Variants in NFASC observed in about 807,000 individuals in gnomAD.
NFASC encodes neurofascin homolog.
A neutral mutation model predicts 147.5 loss-of-function variants in NFASC; 43 were observed. The ratio of observed to expected loss-of-function variants is 0.29; its 90% CI spans 0.23 to 0.38. The LOEUF is 0.38. Among genes scored for constraint, NFASC ranks in the 10% least tolerant of loss-of-function variants. The pLI is 1.00. For synonymous variants in NFASC, 622 were observed against 665.5 expected, an observed-to-expected ratio of 0.93 and a Z score of 1.01; for missense variants, 1,320 against 1,689.0, an observed-to-expected ratio of 0.78 and a Z score of 3.83.
At chr1:204,877,251 TTGGAA>T (rs2079205067) in intron 1 of NFASC, among the ~76,000 whole-genome samples, 1 of 151,236 alleles carries the variant, frequency 6.6e-6, no homozygotes, top group Non-Finnish European at 1.5e-5. Context: ...CATGTTCACT[TTGGAA>T]TGGAGACTTA....
Position 204,875,174 on chromosome 1 carries a change from T to G in NFASC, c.-199-45458T>G, listed in dbSNP as rs552720578. On this transcript the variant is annotated intron_variant, in intron 1 of 29. Coordinates refer to ENST00000339876, the MANE Select transcript of NFASC (RefSeq NM_001005388.3). The stretch of plus-strand genomic sequence containing the variant: ...AGGTGCTCATATTGATGTAGACACA[T>G]CTGCATTTTGATTATCCTTAAGCTG... Among the ~76,000 whole-genome samples the G allele has an allele frequency of 5.3e-5, 8 of 152,254 alleles. 1 individual carries two copies. In the South Asian group the frequency reaches 1.7e-3, roughly 32 times the overall value.
chr1:204,864,308 C>A (rs1044418181), intron 1 of NFASC, among the ~76,000 whole-genome samples: 4 of 152,200 alleles, frequency 2.6e-5, no homozygotes, highest in Non-Finnish European at 1.5e-5. Flanking sequence ...CTGTTGTGAA[C>A]AATGCTGCAG....
At position 205,001,255 on chromosome 1, in the gene NFASC, C is replaced by G. The variant is rs770283846; in HGVS notation, c.3105C>G (p.Pro1035=). 1 of 1,611,974 alleles carries G rather than the reference C, an allele frequency of 6.2e-7. No individual in the cohort carries two copies. Among genetic ancestry groups the G allele is most frequent in the South Asian group, 1.1e-5 (1 of 90,590 alleles). Reference sequence around the variant, plus strand: ...TCACCTGGAAGCACAATTTCGGGCCCGGAACTGACTTTGTGGTTGAGTACA... The same window carrying G: ...TCACCTGGAAGCACAATTTCGGGCCGGGAACTGACTTTGTGGTTGAGTACA... ...ANITWKHNFG[P]GTDFVVEYID... Residue 1035 remains proline, a synonymous_variant, in exon 26 of 30, where the codon CCC becomes CCG. Coordinates refer to ENST00000339876, the MANE Select transcript of NFASC (RefSeq NM_001005388.3).
At chr1:204,859,285 C>G (rs1285997238) in intron 1 of NFASC, among the ~76,000 whole-genome samples, 1 of 152,212 alleles carries the variant, frequency 6.6e-6, no homozygotes, top group Non-Finnish European at 1.5e-5. Flanking sequence ...TGCTTCTGTC[C>G]TCAGAGAGAT....
chr1:204,948,949 A>G (rs2093953571), intron 3 of NFASC, among the ~76,000 whole-genome samples: 1 of 152,170 alleles, frequency 6.6e-6, no homozygotes, highest in Non-Finnish European at 1.5e-5. Flanking sequence ...AACTGGAGTT[A>G]CCTTTCTTGG....
At chr1:204,973,489 A>G (rs2095317343) in intron 12 of NFASC, 70 bp downstream of exon 12, 8 of 1,566,186 alleles carry the variant, frequency 5.1e-6, no homozygotes, top group East Asian at 2.3e-5. Flanking sequence ...GGGCTTGGTT[A>G]TGTCGTGGGG....
intron 1 of NFASC, among the ~76,000 whole-genome samples, chr1:204,874,449 T>A (rs1200134348): frequency 6.6e-6 from 1 of 152,240 alleles, no homozygotes; most frequent in Admixed American, 6.5e-5. Flanking sequence ...CTCAGTAGTA[T>A]CTGGCTGCTT....
intron 1 of NFASC, among the ~76,000 whole-genome samples, chr1:204,867,950 C>T (rs531522121): frequency 5.9e-5 from 9 of 152,232 alleles, no homozygotes; most frequent in African/African-American, 9.6e-5. Flanking sequence ...GACAGGCCCT[C>T]GAGGCAGTCA....
chr1:204,877,122 T>C, intron 1 of NFASC, among the ~76,000 whole-genome samples: 1 of 139,762 alleles, frequency 7.2e-6, no homozygotes, highest in Admixed American at 7.6e-5. Context: ...ATATTAAATG[T>C]TAAAATATTA....
At chr1:204,981,701 C>G in intron 20 of NFASC, 97 bp from the exon 21 acceptor site, 1 of 764,826 alleles carries the variant, frequency 1.3e-6, no homozygotes, top group Non-Finnish European at 2.1e-6. Flanking sequence ...TTGGGCACAT[C>G]TGGAAGGGAT....
intron 1 of NFASC, among the ~76,000 whole-genome samples, chr1:204,893,944 G>C (rs993980412): frequency 2.0e-5 from 3 of 152,238 alleles, no homozygotes; most frequent in African/African-American, 7.2e-5. Flanking sequence ...GAAGGAAAAG[G>C]ACATTAATGA....
chr1:204,968,987 GT>G lies in NFASC; in HGVS notation c.1003+7del. On this transcript the variant is annotated splice_donor_region_variant and intron_variant, in intron 10 of 29. Coordinates refer to ENST00000339876, the MANE Select transcript of NFASC (RefSeq NM_001005388.3). This position sits in a 1 kb window ranked among gnomAD's most constrained non-coding sequence, Gnocchi z 5.4. ...CGATCTCGGTGAGAGTAAAGGGTAC[GT>G]TGTGTGTATTTATCATTATGATTAT... 1 of 1,611,446 alleles carries G rather than the reference GT, an allele frequency of 6.2e-7. No homozygotes were observed. The highest frequency in any genetic ancestry group is 2.2e-5 in the East Asian group (1 of 44,828).
At chr1:204,842,751 G>A (rs1675723770) in intron 1 of NFASC, among the ~76,000 whole-genome samples, 1 of 152,236 alleles carries the variant, frequency 6.6e-6, no homozygotes, top group Non-Finnish European at 1.5e-5. Context: ...GGGCTCCTGG[G>A]ACATGGATGG....
At position 204,997,315 on chromosome 1, in the gene NFASC, C is replaced by T. The variant is rs754601455; in HGVS notation, c.2928C>T (p.Thr976=). 36 of 1,586,398 alleles carry T rather than the reference C, an allele frequency of 2.3e-5. 1 individual carries two copies. Among genetic ancestry groups the T allele is most frequent in the Admixed American group, 7.2e-5 (4 of 55,244 alleles). ...CTACCACCATCGCCACCACCACCACCGTCGCCACAACTACTACAACCACTG... is the reference window on the plus strand; with the variant it reads ...CTACCACCATCGCCACCACCACCACTGTCGCCACAACTACTACAACCACTG... The part of the protein sequence containing the change: ...VAPTTIATTT[T]VATTTTTTAA... Residue 976 remains threonine (T), a synonymous_variant, in exon 25 of 30, where the codon ACC becomes ACT. Transcript: ENST00000339876.
intron 1 of NFASC, among the ~76,000 whole-genome samples, chr1:204,877,276 C>T (rs1040281239): frequency 2.6e-5 from 4 of 151,358 alleles, no homozygotes; most frequent in Non-Finnish European, 5.9e-5. Flanking sequence ...AACATTTAAA[C>T]GCATTAAAAT....
intron 17 of NFASC, among the ~76,000 whole-genome samples, chr1:204,978,754 TG>T (rs141008046): frequency 3.5e-4 from 53 of 150,932 alleles, no homozygotes; most frequent in Admixed American, 9.9e-4. Flanking sequence ...ATATTCTTTG[TG>T]GGGGGGGGCT....
intron 1 of NFASC, 140 bp downstream of exon 1, chr1:204,828,922 C>T: frequency 2.3e-6 from 1 of 431,104 alleles, no homozygotes; most frequent in Non-Finnish European, 3.1e-6. Flanking sequence ...CATCCCTTCC[C>T]CTCTCCACAC....
Position 204,887,763 on chromosome 1 carries a change from A to AT in NFASC, c.-199-32863dup, listed in dbSNP as rs568923099. The stretch of plus-strand genomic sequence containing the variant: ...AGGTGTGTACCACAACGCTCAGCTA[A>AT]TTTTTTATATTTTTTGTAGAGCCAG... On this transcript the variant is annotated intron_variant, in intron 1 of 29. Transcript: ENST00000339876. 7.4e-4 allele frequency among the ~76,000 whole-genome samples: 112 copies of AT among 151,760 alleles called. 1 individual carries two copies. The highest frequency in any genetic ancestry group is 4.2e-3 in the South Asian group (20 of 4,784).
chr1:204,931,610 G>A (rs772289934), intron 2 of NFASC, among the ~76,000 whole-genome samples: 5 of 152,194 alleles, frequency 3.3e-5, no homozygotes, highest in African/African-American at 7.2e-5. Flanking sequence ...ATCTGTTGGT[G>A]TATCCCTAGG....
Sources: allele counts gnomAD v4.1 joint callset (sites outside exome capture counted in the v4.1 genomes callset), GRCh38; gene constraint gnomAD v4.1.1; non-coding constraint Gnocchi (gnomAD v3.1); transcripts MANE v1.5; gene names NCBI Gene and HGNC (gene_info 2026-07-23, HGNC 2026-07-21).